The following LOC128125817 variants were observed in gnomAD, a reference collection of about 807,000 sequenced individuals.
At chr1:41,599,686 T>C in the LOC128125817 span, among the ~76,000 whole-genome samples, 13 of 152,298 alleles carry the variant, frequency 8.5e-5, no homozygotes, top group African/African-American at 3.1e-4. Flanking sequence ...ACTTCTTAGA[T>C]GTGGCACCAA....
the LOC128125817 span, among the ~76,000 whole-genome samples, chr1:41,621,787 G>C: frequency 6.6e-6 from 1 of 152,156 alleles, no homozygotes; most frequent in South Asian, 2.1e-4. Flanking sequence ...CAAGTAGCTG[G>C]GATTACAGGC....
chr1:41,619,031 C>T, the LOC128125817 span, among the ~76,000 whole-genome samples: 15 of 151,972 alleles, frequency 9.9e-5, no homozygotes, highest in African/African-American at 3.4e-4. Context: ...TCCAGGGCAG[C>T]CTCCACAGCC....
chr1:41,601,282 C>A, the LOC128125817 span, among the ~76,000 whole-genome samples: 1 of 151,964 alleles, frequency 6.6e-6, no homozygotes, highest in Admixed American at 6.5e-5. Flanking sequence ...TCTATTTAGG[C>A]AAAGTAATGT....
chr1:41,608,842 C>T, the LOC128125817 span, among the ~76,000 whole-genome samples: 976 of 149,378 alleles, frequency 6.5e-3, 5 homozygotes, highest in African/African-American at 0.023. Flanking sequence ...GAGGCCAAGG[C>T]GGGTGGATCA....
At chr1:41,620,291 C>T in the LOC128125817 span, among the ~76,000 whole-genome samples, 3 of 152,176 alleles carry the variant, frequency 2.0e-5, no homozygotes, top group East Asian at 1.9e-4. Context: ...AATTTTTTCT[C>T]GTGATTTCAG....
At chr1:41,626,198 G>A in the LOC128125817 span, among the ~76,000 whole-genome samples, 86 of 151,610 alleles carry the variant, frequency 5.7e-4, no homozygotes, top group African/African-American at 2.0e-3. Flanking sequence ...CCCCAGCACC[G>A]GGGCGTTTGC....
the LOC128125817 span, among the ~76,000 whole-genome samples, chr1:41,598,480 G>A: frequency 1.3e-5 from 2 of 152,228 alleles, no homozygotes; most frequent in Non-Finnish European, 2.9e-5. Flanking sequence ...CATACAGAGT[G>A]TAGTCCAACA....
the LOC128125817 span, among the ~76,000 whole-genome samples, chr1:41,597,148 A>G: frequency 2.0e-5 from 3 of 152,088 alleles, no homozygotes; most frequent in Admixed American, 6.5e-5. Flanking sequence ...AGCAAATTCT[A>G]TCGAAAGCAA....
chr1:41,601,664 T>C, the LOC128125817 span, among the ~76,000 whole-genome samples: 6 of 152,156 alleles, frequency 3.9e-5, no homozygotes, highest in African/African-American at 1.4e-4. Flanking sequence ...TAGGATTTTA[T>C]ATTATTTTGT....
the LOC128125817 span, among the ~76,000 whole-genome samples, chr1:41,600,021 A>G: frequency 6.6e-6 from 1 of 152,152 alleles, no homozygotes; most frequent in South Asian, 2.1e-4. Flanking sequence ...CGAAGATACC[A>G]CCTCACACAC....
chr1:41,604,710 T>C, the LOC128125817 span, among the ~76,000 whole-genome samples: 4 of 152,340 alleles, frequency 2.6e-5, no homozygotes, highest in East Asian at 5.8e-4. Context: ...CTTTATAGAT[T>C]ACCCAGCTTT....
chr1:41,605,337 T>G, the LOC128125817 span, among the ~76,000 whole-genome samples: 1 of 151,346 alleles, frequency 6.6e-6, no homozygotes, highest in Non-Finnish European at 1.5e-5. Flanking sequence ...CACATCTTGA[T>G]GTGGTTACAT....
At chr1:41,587,664 T>G in the LOC128125817 span, among the ~76,000 whole-genome samples, 1 of 152,230 alleles carries the variant, frequency 6.6e-6, no homozygotes, top group South Asian at 2.1e-4. Context: ...TGATAGATTC[T>G]TAGAGACTGA....
At chr1:41,616,582 T>TG in the LOC128125817 span, among the ~76,000 whole-genome samples, 4 of 151,018 alleles carry the variant, frequency 2.6e-5, no homozygotes, top group Non-Finnish European at 5.9e-5. Flanking sequence ...TTTTTTTTTT[T>TG]TTCAAACAGG....
the LOC128125817 span, among the ~76,000 whole-genome samples, chr1:41,619,637 C>G: frequency 0.029 from 4,475 of 152,198 alleles, 217 homozygotes; most frequent in African/African-American, 0.1. Flanking sequence ...GGGGTGTCAC[C>G]TGACTGGTAT....
chr1:41,605,731 T>G, the LOC128125817 span, among the ~76,000 whole-genome samples: 1 of 150,454 alleles, frequency 6.6e-6, no homozygotes, highest in African/African-American at 2.5e-5. Flanking sequence ...AGGGGATGAG[T>G]GGGAGAAAGA....
chr1:41,590,748 G>A, the LOC128125817 span, among the ~76,000 whole-genome samples: 7 of 152,202 alleles, frequency 4.6e-5, no homozygotes, highest in South Asian at 2.1e-4. Context: ...GGGACACAGG[G>A]AGAGGTAGCA....
the LOC128125817 span, among the ~76,000 whole-genome samples, chr1:41,590,806 A>T: frequency 6.6e-6 from 1 of 152,170 alleles, no homozygotes; most frequent in Non-Finnish European, 1.5e-5. Flanking sequence ...CACCTGTAGC[A>T]AGGTAAGCAT....
chr1:41,593,815 T>A, the LOC128125817 span, among the ~76,000 whole-genome samples: 1 of 152,242 alleles, frequency 6.6e-6, no homozygotes, highest in East Asian at 1.9e-4. Context: ...ACGTCTGAAA[T>A]AGGTCTCACT....
Sources: gnomAD v4.1 joint callset for allele counts (sites outside exome capture counted in the v4.1 genomes callset) on GRCh38, gnomAD v4.1.1 for gene constraint, MANE v1.5 for transcripts.